Variants in C5 observed in about 807,000 individuals in gnomAD.
The protein encoded by C5 is C3 and PZP-like alpha-2-macroglobulin domain-containing protein 4.
In C5, 140 loss-of-function variants were observed where a neutral mutation model predicts 218.8. The ratio of observed to expected loss-of-function variants is 0.64; its 90% CI spans 0.56 to 0.74. The LOEUF is 0.74. C5 is among the 30% of genes least tolerant of loss of function. The probability of loss-of-function intolerance (pLI) is 0.00; values close to 1 mark genes in which losing one functional copy is unlikely to be tolerated. For synonymous variants in C5, 614 were observed against 682.3 expected, an observed-to-expected ratio of 0.90 and a Z score of 1.56; for missense variants, 1,700 against 1,969.6, an observed-to-expected ratio of 0.86 and a Z score of 2.59.
chr9:120,970,014 G>T (rs1000549826), intron 32 of C5, among the ~76,000 whole-genome samples, 156 bp downstream of exon 32: 24 of 152,188 alleles, frequency 1.6e-4, no homozygotes. Flanking sequence ...TGTAAAAAAT[G>T]GAAGTAATAT....
intron 27 of C5, among the ~76,000 whole-genome samples, chr9:120,981,394 A>T (rs1286496635): frequency 5.3e-5 from 8 of 152,132 alleles, no homozygotes; most frequent in Non-Finnish European, 1.2e-4. Flanking sequence ...TGTTGTTTGG[A>T]AGGATTTGGA....
intron 3 of C5, among the ~76,000 whole-genome samples, chr9:121,039,258 C>G (rs2047556174): frequency 6.6e-6 from 1 of 151,970 alleles, no homozygotes; most frequent in Admixed American, 6.6e-5. Context: ...GTTTTTAACC[C>G]AGTTTGTGTT....
rs373918312 is a variant in C5, at chr9:120,961,499, G to A, written c.4571C>T (p.Ala1524Val). ...IKIQKVCEGA[A>V]CKCVEADCGQ... ...AAGTTTACCTTCTACACACTTGCAC[G>A]CGGCTCCTTCACAGACTTTCTGAAT... The change falls in exon 37 of 41, where the codon GCG (alanine) becomes GTG (valine). Residue 1524 changes from alanine (A) to valine (V), a missense_variant. Ala to Val is a moderately conservative substitution (Grantham distance 64). Coordinates refer to ENST00000223642, the MANE Select transcript of C5 (RefSeq NM_001735.3). 8 of 1,610,632 alleles carry A rather than the reference G, an allele frequency of 5.0e-6. No homozygotes were observed. Among genetic ancestry groups the A allele is most frequent in the African/African-American group, 4.0e-5 (3 of 74,860 alleles).
chr9:120,963,645 G>A lies in C5; in HGVS notation c.4314C>T (p.Asp1438=). The part of the protein sequence containing the change: ...LPTGISANEE[D]LKALVEGVDQ... The stretch of plus-strand genomic sequence containing the variant: ...AAAAGAAAACACATACGGCTTTTAA[G>A]TCTTCTTCATTTGCACTGATTCCAG... Residue 1438 remains aspartate, a synonymous_variant, in exon 34 of 41, where the codon GAC becomes GAT. Transcript: ENST00000223642. 1.2e-6 allele frequency: 2 copies of A among 1,609,424 alleles called. No individual in the cohort carries two copies. Among genetic ancestry groups the A allele is most frequent in the Admixed American group, 1.7e-5 (1 of 59,986 alleles).
intron 10 of C5, among the ~76,000 whole-genome samples, chr9:121,022,192 C>T (rs1415317760): frequency 6.6e-6 from 1 of 152,006 alleles, no homozygotes; most frequent in Non-Finnish European, 1.5e-5. Flanking sequence ...TGGTTTAGGA[C>T]TGGATAAAGG....
intron 20 of C5, among the ~76,000 whole-genome samples, chr9:121,003,676 G>C (rs1201767866): frequency 6.6e-6 from 1 of 152,062 alleles, no homozygotes; most frequent in East Asian, 1.9e-4. Flanking sequence ...ATTGATAAAG[G>C]GGTAATAAAA....
chr9:121,021,546 A>T lies in C5; in HGVS notation c.1265T>A (p.Leu422His). The change falls in exon 11 of 41, where the codon CTT becomes CAT. Residue 422 changes from leucine to histidine, a missense_variant. By Grantham distance (99) the Leu-to-His change is moderately conservative. Coordinates refer to ENST00000223642, the MANE Select transcript of C5 (RefSeq NM_001735.3). ...CACCGTCACTCCAGATGGGAGATTA[A>T]GCACAAAGGAAGCTACTCCATCATC... ...RVDDGVASFV[L>H]NLPSGVTVLE... The T allele has an allele frequency of 6.2e-7, 1 of 1,613,956 alleles. No individual in the cohort carries two copies. The highest frequency in any genetic ancestry group is 8.5e-7 in the Non-Finnish European group (1 of 1,179,892).
At chr9:120,996,726 T>C (rs2047119232) in intron 21 of C5, among the ~76,000 whole-genome samples, 1 of 152,296 alleles carries the variant, frequency 6.6e-6, no homozygotes, top group East Asian at 1.9e-4. Flanking sequence ...GGAACCACAG[T>C]GCAAGGATGC....
intron 9 of C5, among the ~76,000 whole-genome samples, chr9:121,024,518 T>C (rs2047402681): frequency 6.6e-6 from 1 of 152,142 alleles, no homozygotes; most frequent in East Asian, 1.9e-4. Context: ...ATACATTCTA[T>C]ACATATCCTA....
At chr9:121,071,355 C>T in the C5 span, among the ~76,000 whole-genome samples, 3 of 151,302 alleles carry the variant, frequency 2.0e-5, no homozygotes, top group Admixed American at 2.0e-4. Flanking sequence ...ACAAAACACA[C>T]CAACAAAAAC....
chr9:120,996,128 T>C, intron 22 of C5, 112 bp downstream of exon 22: 1 of 875,860 alleles, frequency 1.1e-6, no homozygotes. Context: ...CAGAAGTGGA[T>C]ACTACTGATT....
chr9:120,990,260 C>T (rs2047067477), intron 23 of C5, among the ~76,000 whole-genome samples: 1 of 152,150 alleles, frequency 6.6e-6, no homozygotes, highest in Non-Finnish European at 1.5e-5. Context: ...TTTTGTGATT[C>T]TAGGGTTTTA....
At chr9:121,052,680 T>C (rs918966587), upstream of C5, among the ~76,000 whole-genome samples, 1 of 152,066 alleles carries the variant, frequency 6.6e-6, no homozygotes, top group Non-Finnish European at 1.5e-5. Context: ...TCTTGAGCCC[T>C]GCTTAGTTCT....
chr9:121,044,944 C>CTTCCT, intron 2 of C5, among the ~76,000 whole-genome samples: 1 of 146,846 alleles, frequency 6.8e-6, no homozygotes, highest in African/African-American at 2.5e-5. Context: ...GAAAGTAACA[C>CTTCCT]TTTCTTTTTT....
At chr9:121,016,913 G>T (rs1315529657) in intron 14 of C5, among the ~76,000 whole-genome samples, 2 of 151,930 alleles carry the variant, frequency 1.3e-5, no homozygotes, top group East Asian at 3.9e-4. Flanking sequence ...TTCAAGCCTC[G>T]AAAATAATAG....
intron 22 of C5, among the ~76,000 whole-genome samples, chr9:120,993,813 G>A (rs1338807677): frequency 6.6e-6 from 1 of 152,180 alleles, no homozygotes; most frequent in Non-Finnish European, 1.5e-5. Flanking sequence ...GATTAAAGAG[G>A]TACATACATA....
At chr9:120,958,273 T>C (rs1695568240) in intron 38 of C5, among the ~76,000 whole-genome samples, 1 of 152,220 alleles carries the variant, frequency 6.6e-6, no homozygotes, top group Non-Finnish European at 1.5e-5. Context: ...GTACTTACTA[T>C]GTGGGCCTGG....
intron 30 of C5, 151 bp from the exon 31 acceptor site, chr9:120,972,143 C>T (rs901591097): frequency 7.2e-6 from 5 of 698,614 alleles, no homozygotes; most frequent in Non-Finnish European, 1.3e-5. Flanking sequence ...AATCCTATGC[C>T]CATGGCAGGT....
At chr9:121,041,824 T>C (rs545798631) in intron 3 of C5, among the ~76,000 whole-genome samples, 55 of 152,322 alleles carry the variant, frequency 3.6e-4, no homozygotes, top group African/African-American at 1.3e-3. Flanking sequence ...TTTCCTTGTA[T>C]AAAAAGTTGT....
Sources: gnomAD v4.1 joint callset for allele counts (sites outside exome capture counted in the v4.1 genomes callset) on GRCh38, gnomAD v4.1.1 for gene constraint, MANE v1.5 for transcripts, NCBI Gene and HGNC (gene_info 2026-07-23, HGNC 2026-07-21) for gene names.